The following IGF1R variants were observed in gnomAD, a reference collection of about 807,000 sequenced individuals.
IGF1R encodes the protein insulin like growth factor 1 receptor.
IGF1R carries 44 observed loss-of-function variants against 144.6 expected under a neutral mutation model. That is an observed-to-expected ratio of 0.30 (90% CI 0.24 to 0.39). The LOEUF (loss-of-function observed/expected upper bound fraction) is 0.39. Among genes scored for constraint, IGF1R ranks in the 10% least tolerant of loss-of-function variants. IGF1R has a pLI of 1.00. For synonymous variants in IGF1R, 795 were observed against 722.8 expected, an observed-to-expected ratio of 1.10 and a Z score of -1.60; for missense variants, 1,355 against 1,833.7, an observed-to-expected ratio of 0.74 and a Z score of 4.77.
intron 2 of IGF1R, among the ~76,000 whole-genome samples, chr15:98,836,701 C>T (rs906953724): frequency 6.6e-6 from 1 of 152,060 alleles, no homozygotes; most frequent in African/African-American, 2.4e-5. Flanking sequence ...GTCCCAACAT[C>T]CTTCATTGTG....
chr15:98,927,557 G>T (rs2015769712), intron 13 of IGF1R, among the ~76,000 whole-genome samples: 1 of 152,162 alleles, frequency 6.6e-6, no homozygotes, highest in Admixed American at 6.5e-5. Context: ...ACACAGTACA[G>T]CCTGACCAGT....
At position 98,958,545 on chromosome 15, in the gene IGF1R, C is replaced by A. The variant is rs2017103906; in HGVS notation, c.*1103C>A. On this transcript the variant is annotated 3_prime_UTR_variant, in exon 21 of 21. Coordinates refer to ENST00000650285, the MANE Select transcript of IGF1R (RefSeq NM_000875.5). ...AAGAAAAGCAGTCAATGGATTCAAGCATTCTAAGCTTTGTTGACATTTTCT... is the reference window on the plus strand; with the variant it reads ...AAGAAAAGCAGTCAATGGATTCAAGAATTCTAAGCTTTGTTGACATTTTCT... 4.3e-6 allele frequency: 1 copy of A among 232,924 alleles called. No homozygotes were observed. The highest frequency in any genetic ancestry group is 2.2e-5 in the African/African-American group (1 of 45,332). The allele number at this position is 232,924 out of a possible 1,614,324, so 14.4% of individuals were successfully genotyped here.
chr15:98,935,479 CT>C lies in IGF1R; in HGVS notation c.3297+56del, dbSNP rs545207095. The C allele has an allele frequency of 6.2e-4, 642 of 1,034,274 alleles. 13 individuals are homozygous for C. The South Asian group carries it at 8.3e-3, about 13-fold the overall frequency. 64.1% of individuals were successfully genotyped at this position (1,034,274 alleles called of 1,614,324 possible). On this transcript the variant is annotated intron_variant, in intron 17 of 20. Transcript: ENST00000650285. This position sits in a 1 kb window ranked among gnomAD's most constrained non-coding sequence, Gnocchi z 4.2. The stretch of plus-strand genomic sequence containing the variant: ...ATGTTGCCTGGCCTGCTCTCTTTTC[CT>C]TTATAATCTCCCTGCAAGGAAATGC...
chr15:98,656,423 C>T (rs1349659234), intron 1 of IGF1R, among the ~76,000 whole-genome samples: 1 of 152,196 alleles, frequency 6.6e-6, no homozygotes, highest in Admixed American at 6.5e-5. Context: ...GTGGCCCGTG[C>T]CTATAATCCC....
intron 2 of IGF1R, among the ~76,000 whole-genome samples, chr15:98,869,312 C>CAAA (rs1238930372): frequency 4.1e-5 from 6 of 145,210 alleles, no homozygotes; most frequent in African/African-American, 1.1e-4. Flanking sequence ...ACAACAACAA[C>CAAA]AACAAAAAAA....
chr15:98,649,659 G>T lies in IGF1R; in HGVS notation c.78G>T (p.Trp26Cys), dbSNP rs755785074. Reference sequence around the variant, plus strand: ...TTCTCTCCGCCGCGCTCTCGCTCTGGCCGACGAGTGGAGAAAGTGAGTATG... The same window carrying T: ...TTCTCTCCGCCGCGCTCTCGCTCTGTCCGACGAGTGGAGAAAGTGAGTATG... ...LLFLSAALSLWPTSGEICGPG... is the reference protein window; with the variant it reads ...LLFLSAALSLCPTSGEICGPG... The change falls in exon 1 of 21, where the codon TGG (tryptophan) becomes TGT (cysteine). Residue 26 changes from tryptophan to cysteine, a missense_variant. Coordinates refer to ENST00000650285, the MANE Select transcript of IGF1R (RefSeq NM_000875.5). 7 of 1,609,810 alleles carry T rather than the reference G, an allele frequency of 4.3e-6. No individual in the cohort carries two copies. Among genetic ancestry groups the T allele is most frequent in the Non-Finnish European group, 5.9e-6 (7 of 1,178,412 alleles).
At chr15:98,830,898 C>T (rs2141501196) in intron 2 of IGF1R, among the ~76,000 whole-genome samples, 1 of 152,300 alleles carries the variant, frequency 6.6e-6, no homozygotes, top group Middle Eastern at 3.4e-3. Flanking sequence ...ACCACCACGC[C>T]CGGCCAGGAT....
chr15:98,916,261 G>GGT (rs775049019), intron 9 of IGF1R, 130 bp downstream of exon 9: 15 of 556,012 alleles, frequency 2.7e-5, no homozygotes, highest in African/African-American at 1.9e-4. Context: ...CTATCTTCTG[G>GGT]TTTTTTTTTT....
intron 2 of IGF1R, among the ~76,000 whole-genome samples, chr15:98,866,096 A>G (rs1482660614): frequency 6.6e-6 from 1 of 152,224 alleles, no homozygotes; most frequent in Admixed American, 6.5e-5. Context: ...AAGAAAAATT[A>G]ACATAGGATA....
At chr15:98,808,675 A>ATTTTT (rs35643938) in intron 2 of IGF1R, among the ~76,000 whole-genome samples, 4,312 of 145,478 alleles carry the variant, frequency 0.03, 200 homozygotes, top group African/African-American at 0.092. Context: ...TTCTTGAAAG[A>ATTTTT]TTTTTTTTTT....
intron 2 of IGF1R, among the ~76,000 whole-genome samples, chr15:98,801,052 A>G (rs2056351793): frequency 6.6e-6 from 1 of 152,114 alleles, no homozygotes; most frequent in Admixed American, 6.5e-5. Context: ...TAGTTGGGAT[A>G]AATGGTAGGA....
At chr15:98,918,467 G>C (rs77753951) in intron 10 of IGF1R, among the ~76,000 whole-genome samples, 1 of 151,984 alleles carries the variant, frequency 6.6e-6, no homozygotes, top group Admixed American at 6.6e-5. Context: ...ATCTCACTTC[G>C]AGAAATCAGT....
At chr15:98,894,689 A>G (rs2014092142) in intron 3 of IGF1R, among the ~76,000 whole-genome samples, 1 of 152,324 alleles carries the variant, frequency 6.6e-6, no homozygotes, top group East Asian at 1.9e-4. Flanking sequence ...GGATCACCTG[A>G]GGTCAAGAGT....
intron 2 of IGF1R, among the ~76,000 whole-genome samples, chr15:98,787,862 C>T (rs2056034758): frequency 6.6e-6 from 1 of 152,132 alleles, no homozygotes; most frequent in East Asian, 1.9e-4. Flanking sequence ...GTTTTTGTTC[C>T]TGTGCCTGGA....
rs562113706 is a variant in IGF1R, at chr15:98,960,024, C to A, written c.*2582C>A. The A allele has an allele frequency of 8.6e-6, 2 of 233,018 alleles. No individual in the cohort carries two copies. The highest frequency in any genetic ancestry group is 1.2e-4 in the East Asian group (2 of 16,590). 14.4% of individuals were successfully genotyped at this position (233,018 alleles called of 1,614,324 possible). ...TGTGTGTGAGAGTGATGGGACAGTT[C>A]TTGATTTTTTGGGTTTTTTTTCCCC... On this transcript the variant is annotated 3_prime_UTR_variant, in exon 21 of 21. Transcript: ENST00000650285.
At chr15:98,802,167 C>A (rs377204344) in intron 2 of IGF1R, among the ~76,000 whole-genome samples, 1 of 152,136 alleles carries the variant, frequency 6.6e-6, no homozygotes, top group South Asian at 2.1e-4. Flanking sequence ...TTGTTAATAC[C>A]TTCCTGTAGG....
chr15:98,863,461 A>G (rs1834073041), intron 2 of IGF1R, among the ~76,000 whole-genome samples: 1 of 152,164 alleles, frequency 6.6e-6, no homozygotes. Flanking sequence ...TTTAACATCC[A>G]TTACTGTGAT....
intron 2 of IGF1R, among the ~76,000 whole-genome samples, chr15:98,868,327 CAA>C (rs55905905): frequency 0.013 from 672 of 49,876 alleles, 19 homozygotes; most frequent in Non-Finnish European, 0.02. Flanking sequence ...ACCTTGTCTC[CAA>C]AAAAAAAAAA....
At chr15:98,766,514 G>A (rs999875895) in intron 2 of IGF1R, among the ~76,000 whole-genome samples, 4 of 152,156 alleles carry the variant, frequency 2.6e-5, no homozygotes, top group Non-Finnish European at 5.9e-5. Flanking sequence ...TACTGCAAGG[G>A]TCATCCTTAA....
Sources: gnomAD v4.1 joint callset for allele counts (sites outside exome capture counted in the v4.1 genomes callset) on GRCh38, gnomAD v4.1.1 for gene constraint, Gnocchi (gnomAD v3.1) non-coding constraint, MANE v1.5 for transcripts, NCBI Gene and HGNC (gene_info 2026-07-23, HGNC 2026-07-21) for gene names.